The following ARHGEF40 variants were observed in gnomAD, a reference collection of about 807,000 sequenced individuals.
ARHGEF40 encodes the protein Rho guanine nucleotide exchange factor (GEF) 40.
ARHGEF40 carries 98 observed loss-of-function variants against 165.9 expected under a neutral mutation model. That is an observed-to-expected ratio of 0.59 (90% CI 0.50 to 0.70). The LOEUF is 0.70. Among genes scored for constraint, ARHGEF40 ranks in the 30% least tolerant of loss-of-function variants. The pLI, the probability that ARHGEF40 is intolerant of heterozygous loss-of-function variation, is 0.00. For synonymous variants in ARHGEF40, 792 were observed against 814.3 expected (o/e 0.97, Z 0.47); for missense variants, 1,815 against 1,968.0 (o/e 0.92, Z 1.47).
In ARHGEF40 at chr14:21,082,103, C is replaced by T. The variant is rs770064160; in HGVS notation, c.3235C>T (p.Arg1079Cys). 1.3e-5 allele frequency: 20 copies of T among 1,562,240 alleles called. No homozygotes were observed. The highest frequency in any genetic ancestry group is 7.0e-5 in the South Asian group (6 of 85,140). ...PWGVGTPRMERKRSISAQQRL... is the reference protein window; with the variant it reads ...PWGVGTPRMECKRSISAQQRL... ...GGGAGTAGGCACCCCCCGGATGGAG[C>T]GCAAGCGAAGCATCAGGTGAGATCC... Residue 1079 changes from arginine to cysteine, a missense_variant, in exon 14 of 24, where the codon CGC (arginine) becomes TGC (cysteine). Transcript: ENST00000298694.
In ARHGEF40 at chr14:21,082,419, C is replaced by T. The variant is rs756140150; in HGVS notation, c.3427C>T (p.Arg1143Trp). ...LRSFHRTHFL[R>W]ELQGCATHPL... ...CAGCTTCCACCGGACACACTTTCTG[C>T]GGGAGCTTCAGGGCTGCGCCACCCA... is the stretch of plus-strand genomic sequence containing the variant. The change falls in exon 15 of 24, where the codon CGG becomes TGG. Residue 1143 changes from arginine to tryptophan, a missense_variant. By Grantham distance (101) the Arg-to-Trp change is moderately radical (BLOSUM62 -3). Transcript: ENST00000298694. 4.8e-5 allele frequency: 78 copies of T among 1,610,070 alleles called. No individual in the cohort carries two copies. Among genetic ancestry groups the T allele is most frequent in the South Asian group, 7.7e-5 (7 of 91,014 alleles).
rs1887140241 is a variant in ARHGEF40, at chr14:21,073,439, A to C, written c.201+197A>C. 2.0e-5 allele frequency among the ~76,000 whole-genome samples: 3 copies of C among 150,002 alleles called. No individual in the cohort carries two copies. The highest frequency in any genetic ancestry group is 2.0e-4 in the Admixed American group (3 of 15,074). On this transcript the variant is annotated intron_variant, in intron 2 of 23. Coordinates refer to ENST00000298694, the MANE Select transcript of ARHGEF40 (RefSeq NM_018071.5). The surrounding 1 kb of genome is among the most constrained non-coding windows in gnomAD (Gnocchi z 4.6). The stretch of plus-strand genomic sequence containing the variant: ...CACAGGCACTGACCATTCAGATGCT[A>C]ACACACACACACACACACACATTCA...
Position 21,070,324 on chromosome 14 carries a change from G to T in ARHGEF40, c.-73G>T. On this transcript the variant is annotated 5_prime_UTR_variant, in exon 1 of 24. Coordinates refer to ENST00000298694, the MANE Select transcript of ARHGEF40 (RefSeq NM_018071.5). This position sits in a 1 kb window ranked among gnomAD's most constrained non-coding sequence, Gnocchi z 4.7. ...TAGCCAGACCCGGCGAGACACGAGCGGCGGGAGGGAGGCGGTGGCGCGCCC... is the reference window on the plus strand; with the variant it reads ...TAGCCAGACCCGGCGAGACACGAGCTGCGGGAGGGAGGCGGTGGCGCGCCC... The T allele has an allele frequency of 7.2e-7, 1 of 1,388,328 alleles. No homozygotes were observed. Among genetic ancestry groups the T allele is most frequent in the South Asian group, 1.5e-5 (1 of 65,214 alleles). 86.0% of individuals were successfully genotyped at this position (1,388,328 alleles called of 1,614,324 possible).
chr14:21,084,116 T>G, intron 17 of ARHGEF40, 66 bp downstream of exon 17: 1 of 1,484,432 alleles, frequency 6.7e-7, no homozygotes, highest in Non-Finnish European at 9.0e-7. Flanking sequence ...GCCGTGTAGG[T>G]TGGTGACAGG....
chr14:21,061,370 G>T, the ARHGEF40 span, among the ~76,000 whole-genome samples: 2 of 152,218 alleles, frequency 1.3e-5, no homozygotes, highest in Admixed American at 1.3e-4. Flanking sequence ...ACAAGTGGGG[G>T]TAGCAACCTG....
rs148096385 is a variant in ARHGEF40, at chr14:21,087,881, C to G, written c.4388-87C>G. The G allele has an allele frequency of 2.2e-5, 35 of 1,581,250 alleles. No homozygotes were observed. The African/African-American group carries it at 4.6e-4, about 21-fold the overall frequency. ...CTCACAGCTTCCTGTTGCTATGGAG[C>G]TTTTTCTTCCCTGATGGAGCAGCTT... On this transcript the variant is annotated intron_variant, in intron 21 of 23. Transcript: ENST00000298694.
rs137946471 is a variant in ARHGEF40, at chr14:21,075,175, T to C, written c.1445T>C (p.Met482Thr). 6.5e-5 allele frequency: 104 copies of C among 1,594,746 alleles called. No individual in the cohort carries two copies. Among genetic ancestry groups the C allele is most frequent in the Non-Finnish European group, 8.0e-5 (94 of 1,171,468 alleles). Residue 482 changes from methionine (M) to threonine (T), a missense_variant, in exon 3 of 24, where the codon ATG becomes ACG. By Grantham distance (81) the Met-to-Thr change is moderately conservative. Coordinates refer to ENST00000298694, the MANE Select transcript of ARHGEF40 (RefSeq NM_018071.5). The surrounding 1 kb of genome is among the most constrained non-coding windows in gnomAD (Gnocchi z 4.5). Reference protein sequence around the residue: ...RELEGPGLLCMAGHTGPEGPL... With the variant: ...RELEGPGLLCTAGHTGPEGPL... ...CTGGAGGGGCCAGGCCTGCTGTGTA[T>C]GGCAGGTGAGATGACACGGAGTGAG...
In ARHGEF40 at chr14:21,089,963, G is replaced by T. The variant is rs1283305921; in HGVS notation, c.*955G>T. On this transcript the variant is annotated 3_prime_UTR_variant, in exon 24 of 24. Coordinates refer to ENST00000298694, the MANE Select transcript of ARHGEF40 (RefSeq NM_018071.5). Reference sequence around the variant, plus strand: ...ACCTGGGGGTAAAACCCAATATTCTGCATTTCTTATCAAACTCTTTGGGTG... The same window carrying T: ...ACCTGGGGGTAAAACCCAATATTCTTCATTTCTTATCAAACTCTTTGGGTG... The T allele has an allele frequency of 8.5e-6, 2 of 235,220 alleles. No homozygotes were observed. The highest frequency in any genetic ancestry group is 1.7e-5 in the Non-Finnish European group (2 of 114,356). The allele number at this position is 235,220 out of a possible 1,614,324, so 14.6% of individuals were successfully genotyped here.
intron 18 of ARHGEF40, among the ~76,000 whole-genome samples, chr14:21,085,476 G>C (rs894400535): frequency 1.3e-5 from 2 of 152,224 alleles, no homozygotes; most frequent in Non-Finnish European, 2.9e-5. Context: ...AGAAGCCTTT[G>C]TGGAAGTTGC....
At chr14:21,088,750 C>T (rs1888587770) in intron 22 of ARHGEF40, 80 bp from the exon 23 acceptor site, 3 of 1,446,340 alleles carry the variant, frequency 2.1e-6, no homozygotes, top group Admixed American at 1.8e-5. Flanking sequence ...AATTGACAGG[C>T]TTGTGGGGAG....
rs1278906204 is a variant in ARHGEF40 at position 21,072,074 on chromosome 14, AT to A, written c.4-969del. On this transcript the variant is annotated intron_variant, in intron 1 of 23. Transcript: ENST00000298694. This position sits in a 1 kb window ranked among gnomAD's most constrained non-coding sequence, Gnocchi z 4.1. ...CATTTACAGCAAAAAAGAAAAAAAAATTCCAGTAAAAGGGACTTCAAAGACT... is the reference window on the plus strand; with the variant it reads ...CATTTACAGCAAAAAAGAAAAAAAAATCCAGTAAAAGGGACTTCAAAGACT... Among the ~76,000 whole-genome samples, 1 of 152,208 alleles carries A rather than the reference AT, an allele frequency of 6.6e-6. No homozygotes were observed. Among genetic ancestry groups the A allele is most frequent in the Non-Finnish European group, 1.5e-5 (1 of 68,032 alleles).
intron 22 of ARHGEF40, among the ~76,000 whole-genome samples, chr14:21,088,428 C>T (rs1045069419): frequency 2.0e-5 from 3 of 151,870 alleles, no homozygotes; most frequent in Non-Finnish European, 4.4e-5. Context: ...ACCTGTAATC[C>T]CAGACTTTCA....
At chr14:21,088,136 C>G in intron 22 of ARHGEF40, 38 bp downstream of exon 22, 1 of 1,565,442 alleles carries the variant, frequency 6.4e-7, no homozygotes, top group Non-Finnish European at 8.6e-7. Context: ...AATGTGATCT[C>G]TTTGGCTGCT....
chr14:21,070,293 G>C, upstream of ARHGEF40: 4 of 1,241,170 alleles, frequency 3.2e-6, no homozygotes, highest in Non-Finnish European at 4.1e-6. This position sits in a 1 kb window ranked among gnomAD's most constrained non-coding sequence, Gnocchi z 4.7. Flanking sequence ...GGCCGGAGCT[G>C]TCCCTTAGCC....
chr14:21,072,973 G>A lies in ARHGEF40; in HGVS notation c.4-72G>A, dbSNP rs1887097129. On this transcript the variant is annotated intron_variant, in intron 1 of 23. Coordinates refer to ENST00000298694, the MANE Select transcript of ARHGEF40 (RefSeq NM_018071.5). This position sits in a 1 kb window ranked among gnomAD's most constrained non-coding sequence, Gnocchi z 4.1. ...GCTTTGGAGAACACAGCCAACCCCA[G>A]ACCAGTGCAGCTCCCAAGGAGCCAT... is the stretch of plus-strand genomic sequence containing the variant. 6.7e-7 allele frequency: 1 copy of A among 1,493,074 alleles called. No homozygotes were observed. The highest frequency in any genetic ancestry group is 1.8e-5 in the Admixed American group (1 of 55,604). The allele number at this position is 1,493,074 out of a possible 1,614,324, so 92.5% of individuals were successfully genotyped here. A position where few individuals can be genotyped will look rare whatever the true frequency, so the allele number is the denominator to read the frequency against.
At chr14:21,084,267 C>T (rs886134720) in intron 17 of ARHGEF40, among the ~76,000 whole-genome samples, 6 of 152,176 alleles carry the variant, frequency 3.9e-5, no homozygotes, top group African/African-American at 1.2e-4. Context: ...ATCCCATGTT[C>T]GTACATCTGC....
At position 21,081,514 on chromosome 14, in the gene ARHGEF40, T is replaced by A. The variant is rs760290376; in HGVS notation, c.2646T>A (p.His882Gln). 1 of 1,612,904 alleles carries A rather than the reference T, an allele frequency of 6.2e-7. No homozygotes were observed. Among genetic ancestry groups the A allele is most frequent in the Non-Finnish European group, 8.5e-7 (1 of 1,179,870 alleles). The change falls in exon 14 of 24, where the codon CAT becomes CAA. Residue 882 changes from histidine (H) to glutamine (Q), a missense_variant. Physicochemically the swap from His to Gln is conservative, Grantham distance 24. Transcript: ENST00000298694. ...CAACCCCTTTGACTTCGTAGGCACA[T>A]GAATGGGTGGATGAGGGCTTTGCTC... ...LRLQRFFQQAHEWVDEGFARL... is the reference protein window; with the variant it reads ...LRLQRFFQQAQEWVDEGFARL...
In ARHGEF40 at chr14:21,070,683, C is replaced by T; in HGVS notation, c.3+284C>T. 1.0e-6 allele frequency: 1 copy of T among 963,980 alleles called. No individual in the cohort carries two copies. The highest frequency in any genetic ancestry group is 1.5e-6 in the Non-Finnish European group (1 of 653,428). 59.7% of individuals were successfully genotyped at this position (963,980 alleles called of 1,614,324 possible). On this transcript the variant is annotated intron_variant, in intron 1 of 23. Transcript: ENST00000298694. The surrounding 1 kb of genome is among the most constrained non-coding windows in gnomAD (Gnocchi z 4.7). ...AATCCACACACCTCCCCGCTCCCCG[C>T]CCTCCTCTGTCCTGACCTGTGCCTT...
At chr14:21,079,154 T>C in intron 11 of ARHGEF40, 144 bp downstream of exon 11, 1 of 1,199,270 alleles carries the variant, frequency 8.3e-7, no homozygotes, top group East Asian at 2.7e-5. Flanking sequence ...TGTTGGTCAG[T>C]GTGAGATTGA....
Sources: allele counts gnomAD v4.1 joint callset (sites outside exome capture counted in the v4.1 genomes callset), GRCh38; gene constraint gnomAD v4.1.1; non-coding constraint Gnocchi (gnomAD v3.1); transcripts MANE v1.5; gene names NCBI Gene and HGNC (gene_info 2026-07-23, HGNC 2026-07-21).